The following ZNF610 variants were observed in gnomAD, a reference collection of about 807,000 sequenced individuals.
The protein encoded by ZNF610 is zinc finger protein 610.
In ZNF610, 14 loss-of-function variants were observed where a neutral mutation model predicts 14.1. The observed-to-expected ratio is 0.99, with a 90% CI of 0.65 to 1.55. The LOEUF (loss-of-function observed/expected upper bound fraction) is 1.55. Ranked by LOEUF, ZNF610 falls within the 40% of genes most tolerant of loss-of-function variation. The pLI, the probability that ZNF610 is intolerant of heterozygous loss-of-function variation, is 0.00. For missense variants in ZNF610, 530 were observed against 558.0 expected (o/e 0.95, Z 0.51); for synonymous variants, 185 against 187.6 (o/e 0.99, Z 0.11).
At chr19:52,332,894 C>T (rs55952017), upstream of ZNF610, among the ~76,000 whole-genome samples, 11,546 of 152,164 alleles carry the variant, frequency 0.076, 594 homozygotes, top group Middle Eastern at 0.16. This position sits in a 1 kb window ranked among gnomAD's most constrained non-coding sequence, Gnocchi z 4.1. Context: ...TAACATCAGG[C>T]GCAAAGGCAT....
chr19:52,338,912 A>ACGGAGGAC (rs1555800684), intron 1 of ZNF610, among the ~76,000 whole-genome samples: 2 of 139,146 alleles, frequency 1.4e-5, no homozygotes, highest in East Asian at 2.0e-4. Flanking sequence ...CGCTCAGCAT[A>ACGGAGGAC]CGGAGGACCC....
chr19:52,363,499 C>T (rs891621879), intron 5 of ZNF610, among the ~76,000 whole-genome samples: 5 of 152,076 alleles, frequency 3.3e-5, no homozygotes, highest in Non-Finnish European at 5.9e-5. Flanking sequence ...CTATCTGTTT[C>T]TCCTTTGAAT....
At chr19:52,354,580 A>ATTTTTTTTT (rs201439857) in intron 5 of ZNF610, among the ~76,000 whole-genome samples, 2 of 123,588 alleles carry the variant, frequency 1.6e-5, no homozygotes, top group Non-Finnish European at 3.4e-5. Context: ...AAGCCATACT[A>ATTTTTTTTT]TTTTTTTTTT....
intron 3 of ZNF610, among the ~76,000 whole-genome samples, chr19:52,350,372 G>T (rs747373801): frequency 1.3e-5 from 2 of 152,126 alleles, no homozygotes; most frequent in African/African-American, 4.8e-5. Flanking sequence ...AGCATGTCCT[G>T]TAGAAATATA....
chr19:52,347,360 G>A (rs148884532), intron 1 of ZNF610: 277 of 152,296 alleles, frequency 1.8e-3, no homozygotes, highest in African/African-American at 6.5e-3. Flanking sequence ...AAATATTTTT[G>A]TACAGCTATA....
upstream of ZNF610, chr19:52,336,206 C>G (rs1343091042): frequency 2.5e-5 from 5 of 196,304 alleles, no homozygotes; most frequent in Non-Finnish European, 5.2e-5. Context: ...CCGTCCCGTC[C>G]CGGTCCGCTC....
At chr19:52,338,789 G>T (rs1984505483) in intron 1 of ZNF610, among the ~76,000 whole-genome samples, 1 of 152,122 alleles carries the variant, frequency 6.6e-6, no homozygotes, top group Non-Finnish European at 1.5e-5. Flanking sequence ...CTGAAGGGGT[G>T]GCCTGCCCCT....
intron 1 of ZNF610, among the ~76,000 whole-genome samples, chr19:52,338,546 A>C (rs1048355125): frequency 1.3e-5 from 2 of 152,142 alleles, no homozygotes; most frequent in Non-Finnish European, 1.5e-5. Context: ...TTAGCTGCGC[A>C]TGGTGGCGTG....
intron 1 of ZNF610, among the ~76,000 whole-genome samples, chr19:52,336,940 G>A (rs1984414668): frequency 6.6e-6 from 1 of 152,200 alleles, no homozygotes; most frequent in African/African-American, 2.4e-5. Context: ...CTATGGATGT[G>A]TGGGGAAAGA....
chr19:52,362,907 G>A (rs919125459), intron 5 of ZNF610, among the ~76,000 whole-genome samples: 1 of 152,142 alleles, frequency 6.6e-6, no homozygotes, highest in Admixed American at 6.5e-5. Flanking sequence ...GTATACGTCT[G>A]TCATATCTAA....
At chr19:52,353,928 A>G in intron 4 of ZNF610, 120 bp downstream of exon 4, 2 of 1,314,368 alleles carry the variant, frequency 1.5e-6, no homozygotes, top group Non-Finnish European at 2.1e-6. Context: ...GTTGACTCAG[A>G]AATGAAAAGC....
At chr19:52,343,778 G>T (rs146543762) in intron 1 of ZNF610, among the ~76,000 whole-genome samples, 1 of 152,068 alleles carries the variant, frequency 6.6e-6, no homozygotes, top group Non-Finnish European at 1.5e-5. Context: ...GAAGGCTAAC[G>T]GTGTGATCAT....
Position 52,336,247 on chromosome 19 carries a change from A to T in ZNF610, c.-517A>T. On this transcript the variant is annotated 5_prime_UTR_variant, in exon 1 of 6. Transcript: ENST00000403906. ...GCTGCGCGCGCGCAGTTTTTTGCAG[A>T]CCCGGAAGCGGATCGCGTGGGTAGA... The T allele has an allele frequency of 3.9e-6, 1 of 256,046 alleles. No individual in the cohort carries two copies. The highest frequency in any genetic ancestry group is 7.5e-6 in the Non-Finnish European group (1 of 132,642). The allele number at this position is 256,046 out of a possible 1,614,324, so 15.9% of individuals were successfully genotyped here.
intron 1 of ZNF610, among the ~76,000 whole-genome samples, chr19:52,339,334 T>C (rs1037068370): frequency 1.3e-5 from 2 of 151,840 alleles, no homozygotes; most frequent in East Asian, 2.0e-4. Context: ...GGCTGGGGGA[T>C]GGTCAGGTCT....
At chr19:52,330,694 G>A in the ZNF610 span, among the ~76,000 whole-genome samples, 4 of 152,058 alleles carry the variant, frequency 2.6e-5, no homozygotes, top group African/African-American at 4.8e-5. Context: ...TGAGCCATGA[G>A]GGACTCTCAG....
At chr19:52,333,482 C>A (rs2122149381), upstream of ZNF610, among the ~76,000 whole-genome samples, 1 of 152,334 alleles carries the variant, frequency 6.6e-6, no homozygotes, top group African/African-American at 2.4e-5. Flanking sequence ...AGCAAAATTT[C>A]ATGTGTTACG....
In ZNF610 at chr19:52,366,295, A is replaced by C. The variant is rs1380395334; in HGVS notation, c.917A>C (p.His306Pro). 6.2e-7 allele frequency: 1 copy of C among 1,613,368 alleles called. No homozygotes were observed. Among genetic ancestry groups the C allele is most frequent in the Non-Finnish European group, 8.5e-7 (1 of 1,179,418 alleles). ...AFRECSGLTT[H>P]LVIHTGEKPY... ...AGAGAGTGTTCGGGACTTACTACCC[A>C]TCTTGTAATCCATACTGGAGAGAAA... Residue 306 changes from histidine to proline, a missense_variant, in exon 6 of 6, where the codon CAT becomes CCT. Coordinates refer to ENST00000403906, the MANE Select transcript of ZNF610 (RefSeq NM_001161425.2).
chr19:52,348,121 C>T (rs554635733), intron 2 of ZNF610, 177 bp downstream of exon 2: 1 of 152,244 alleles, frequency 6.6e-6, no homozygotes, highest in African/African-American at 2.4e-5. Flanking sequence ...ATACCATATA[C>T]CCTAGGTGTG....
intron 4 of ZNF610, 50 bp from the exon 5 acceptor site, chr19:52,354,201 G>C: frequency 6.2e-7 from 1 of 1,605,526 alleles, no homozygotes; most frequent in Non-Finnish European, 8.5e-7. Context: ...CACAGGGTTT[G>C]GGTTTTGGAA....
Sources: allele counts gnomAD v4.1 joint callset (sites outside exome capture counted in the v4.1 genomes callset), GRCh38; gene constraint gnomAD v4.1.1; non-coding constraint Gnocchi (gnomAD v3.1); transcripts MANE v1.5; gene names NCBI Gene and HGNC (gene_info 2026-07-23, HGNC 2026-07-21).